Variants in BLTP1 observed in about 807,000 individuals in gnomAD.
BLTP1 encodes the protein fragile site-associated protein.
chr4:122,154,139 A>C, the BLTP1 span: 1 of 957,738 alleles, frequency 1.0e-6, no homozygotes, highest in Non-Finnish European at 1.2e-6. Context: ...AAGTTTTAAA[A>C]AGGTCAAATT....
chr4:122,200,729 C>A, the BLTP1 span: 4 of 976,024 alleles, frequency 4.1e-6, no homozygotes, highest in Admixed American at 2.5e-4. Context: ...CGGTTGTTAC[C>A]CCATTGGTTT....
At chr4:122,239,553 C>T in the BLTP1 span, 5 of 1,609,552 alleles carry the variant, frequency 3.1e-6, no homozygotes, top group East Asian at 2.2e-5. Flanking sequence ...CCCTGTGTCT[C>T]CTAATACTCA....
the BLTP1 span, chr4:122,182,625 A>C: frequency 2.0e-6 from 2 of 985,042 alleles, no homozygotes; most frequent in African/African-American, 3.5e-5. Context: ...TCCATCTACC[A>C]TTCTGCTTCC....
At chr4:122,219,526 G>A in the BLTP1 span, 2 of 1,613,796 alleles carry the variant, frequency 1.2e-6, no homozygotes, top group African/African-American at 1.3e-5. Context: ...GGATATTACT[G>A]TACTTGTTAA....
chr4:122,264,032 A>C, the BLTP1 span: 3 of 803,600 alleles, frequency 3.7e-6, no homozygotes, highest in Admixed American at 1.2e-4. Context: ...ATAAGGATAG[A>C]TAAGGATGAC....
chr4:122,192,405 T>A, the BLTP1 span: 1 of 1,471,734 alleles, frequency 6.8e-7, no homozygotes, highest in Non-Finnish European at 9.5e-7. Flanking sequence ...ATATTTCTAA[T>A]AAGTTTTTTA....
At chr4:122,273,188 A>T in the BLTP1 span, 2 of 950,812 alleles carry the variant, frequency 2.1e-6, no homozygotes, top group Non-Finnish European at 2.5e-6. Context: ...TTTATTGTTA[A>T]CTTTATGATT....
the BLTP1 span, chr4:122,347,657 C>G: frequency 1.9e-6 from 3 of 1,613,848 alleles, no homozygotes; most frequent in Non-Finnish European, 2.5e-6. Context: ...CCTCAGTCAC[C>G]TAATGTGTTC....
At chr4:122,240,005 T>C in the BLTP1 span, 2 of 1,614,162 alleles carry the variant, frequency 1.2e-6, no homozygotes, top group East Asian at 2.2e-5. Context: ...AAGGGCCACT[T>C]ACTGGACATG....
the BLTP1 span, among the ~76,000 whole-genome samples, chr4:122,257,666 C>A: frequency 2.0e-5 from 3 of 152,082 alleles, no homozygotes; most frequent in African/African-American, 7.2e-5. Flanking sequence ...CTCACAGTTA[C>A]AAATAAATTA....
chr4:122,207,605 TC>T, the BLTP1 span: 1 of 1,611,206 alleles, frequency 6.2e-7, no homozygotes, highest in Non-Finnish European at 8.5e-7. Flanking sequence ...CGGACTTTGT[TC>T]CAGCTACATG....
At chr4:122,201,111 A>G in the BLTP1 span, 1 of 1,610,882 alleles carries the variant, frequency 6.2e-7, no homozygotes, top group South Asian at 1.1e-5. Flanking sequence ...CTTTGCACAG[A>G]AAAACTTCTT....
chr4:122,327,437 T>C, the BLTP1 span, among the ~76,000 whole-genome samples: 1 of 151,776 alleles, frequency 6.6e-6, no homozygotes. Flanking sequence ...TGTACTATTA[T>C]TTTTATTTTT....
chr4:122,313,451 G>A, the BLTP1 span: 603 of 153,948 alleles, frequency 3.9e-3, 1 homozygote, highest in Middle Eastern at 0.013. Flanking sequence ...AATAAGAATC[G>A]ATCTTATGAG....
chr4:122,313,777 T>C, the BLTP1 span: 1 of 730,546 alleles, frequency 1.4e-6, no homozygotes, highest in Non-Finnish European at 2.2e-6. Context: ...CTAATTCTGG[T>C]GTTCACTAAT....
chr4:122,324,317 G>A, the BLTP1 span: 1 of 1,117,136 alleles, frequency 9.0e-7, no homozygotes, highest in Non-Finnish European at 1.2e-6. Flanking sequence ...TAACATTAAA[G>A]TCCCCTGGGG....
chr4:122,263,997 A>G, the BLTP1 span: 2 of 614,086 alleles, frequency 3.3e-6, no homozygotes, highest in Non-Finnish European at 4.1e-6. Flanking sequence ...CAAATATTTA[A>G]TTAAATCTAA....
chr4:122,171,223 A>G, the BLTP1 span, among the ~76,000 whole-genome samples: 1 of 152,138 alleles, frequency 6.6e-6, no homozygotes, highest in Non-Finnish European at 1.5e-5. Context: ...TATAATCTAG[A>G]AGTTTTCTAG....
At chr4:122,188,967 A>G in the BLTP1 span, 1 of 985,104 alleles carries the variant, frequency 1.0e-6, no homozygotes, top group Non-Finnish European at 1.2e-6. Context: ...TATCGCGGTG[A>G]CTGTGGGTCT....
Sources: allele counts gnomAD v4.1 joint callset (sites outside exome capture counted in the v4.1 genomes callset), GRCh38; gene constraint gnomAD v4.1.1; transcripts MANE v1.5; gene names NCBI Gene and HGNC (gene_info 2026-07-23, HGNC 2026-07-21).